Variants in ABCD2 observed in about 807,000 individuals in gnomAD.
ABCD2 encodes the protein ATP binding cassette subfamily D member 2, also known as ATP-binding cassette sub-family D member 2.
ABCD2 carries 36 observed loss-of-function variants against 70.9 expected under a neutral mutation model. The observed-to-expected ratio is 0.51, with a 90% CI of 0.39 to 0.67. The LOEUF (loss-of-function observed/expected upper bound fraction) is 0.67, where lower values mean the gene tolerates loss of function less well. ABCD2 is among the 30% of genes least tolerant of loss of function. ABCD2 has a pLI of 0.00. For synonymous variants in ABCD2, 304 were observed against 306.9 expected, an observed-to-expected ratio of 0.99 and a Z score of 0.10; for missense variants, 729 against 890.2, an observed-to-expected ratio of 0.82 and a Z score of 2.30.
At chr12:39,593,790 T>C (rs1050566708) in intron 6 of ABCD2, among the ~76,000 whole-genome samples, 3 of 152,212 alleles carry the variant, frequency 2.0e-5, no homozygotes, top group African/African-American at 7.2e-5. Context: ...GCTTGTTTTA[T>C]ATCTCAACAA....
At chr12:39,557,740 C>T (rs938446186) in intron 9 of ABCD2, among the ~76,000 whole-genome samples, 4 of 152,166 alleles carry the variant, frequency 2.6e-5, no homozygotes, top group Non-Finnish European at 4.4e-5. Flanking sequence ...CAGGCCATTC[C>T]TTCTGAGGGT....
chr12:39,575,764 G>T (rs2120602633), intron 8 of ABCD2, among the ~76,000 whole-genome samples: 1 of 152,264 alleles, frequency 6.6e-6, no homozygotes, highest in East Asian at 1.9e-4. Flanking sequence ...TTTGTCAAAA[G>T]ATTGTGCTTT....
chr12:39,595,621 TA>T (rs1417526634), intron 6 of ABCD2, among the ~76,000 whole-genome samples: 7 of 152,228 alleles, frequency 4.6e-5, no homozygotes, highest in Admixed American at 1.3e-4. Context: ...TATTTATATT[TA>T]ATCTAGGAGA....
At chr12:39,571,270 C>T (rs965043616) in intron 9 of ABCD2, among the ~76,000 whole-genome samples, 8 of 152,094 alleles carry the variant, frequency 5.3e-5, no homozygotes, top group Admixed American at 4.6e-4. Flanking sequence ...AACTGCACTC[C>T]CATGTTTATT....
intron 7 of ABCD2, among the ~76,000 whole-genome samples, chr12:39,580,810 T>A (rs1382381147): frequency 6.6e-6 from 1 of 152,152 alleles, no homozygotes; most frequent in Non-Finnish European, 1.5e-5. Context: ...CTCAGCTGAA[T>A]TTTTACCATT....
At chr12:39,587,852 G>A (rs996912932) in intron 6 of ABCD2, among the ~76,000 whole-genome samples, 3 of 152,170 alleles carry the variant, frequency 2.0e-5, no homozygotes, top group Non-Finnish European at 2.9e-5. Flanking sequence ...ACCACACAGC[G>A]AAGGGGATGG....
At chr12:39,557,164 G>A (rs1269741160) in intron 9 of ABCD2, among the ~76,000 whole-genome samples, 5 of 152,154 alleles carry the variant, frequency 3.3e-5, no homozygotes, top group Admixed American at 6.5e-5. Context: ...GTGAAGGCCA[G>A]GCTGAAGTAG....
At chr12:39,563,952 T>A (rs1383588507) in intron 9 of ABCD2, among the ~76,000 whole-genome samples, 1 of 152,318 alleles carries the variant, frequency 6.6e-6, no homozygotes, top group Middle Eastern at 3.4e-3. Flanking sequence ...ACAAAAGACA[T>A]GTACTCATCA....
At chr12:39,611,484 T>G (rs1011677955) in intron 2 of ABCD2, among the ~76,000 whole-genome samples, 1 of 152,204 alleles carries the variant, frequency 6.6e-6, no homozygotes, top group Non-Finnish European at 1.5e-5. Flanking sequence ...TATCTTTCTC[T>G]TTGTCATCTT....
intron 6 of ABCD2, among the ~76,000 whole-genome samples, chr12:39,591,766 T>A (rs1320798592): frequency 6.6e-6 from 1 of 152,144 alleles, no homozygotes; most frequent in African/African-American, 2.4e-5. Context: ...ATTGCTAAGC[T>A]GTTAAAAATG....
At chr12:39,596,470 T>C (rs1447296002) in intron 6 of ABCD2, among the ~76,000 whole-genome samples, 1 of 152,090 alleles carries the variant, frequency 6.6e-6, no homozygotes, top group Non-Finnish European at 1.5e-5. Flanking sequence ...ATACTCCAGC[T>C]ATTTCTCCCT....
In ABCD2 at chr12:39,619,059, G is replaced by T. The variant is rs148301688; in HGVS notation, c.557C>A (p.Thr186Asn). 12 of 1,614,158 alleles carry T rather than the reference G, an allele frequency of 7.4e-6. No individual in the cohort carries two copies. Among genetic ancestry groups the T allele is most frequent in the Non-Finnish European group, 8.5e-6 (10 of 1,180,012 alleles). ...RTRLVDHAYE[T>N]YFTNQTYYKV... ...ATAATAAGTCTGATTTGTAAAATAGGTTTCATAGGCGTGGTCTACTAGGCG... is the reference window on the plus strand; with the variant it reads ...ATAATAAGTCTGATTTGTAAAATAGTTTTCATAGGCGTGGTCTACTAGGCG... The change falls in exon 1 of 10, where the codon ACC (threonine) becomes AAC (asparagine). Residue 186 changes from threonine (T) to asparagine (N), a missense_variant. Coordinates refer to ENST00000308666, the MANE Select transcript of ABCD2 (RefSeq NM_005164.4).
chr12:39,550,632 T>C lies in ABCD2; in HGVS notation c.*3280A>G, dbSNP rs1233132171. ...GAAGGCGCTCATGTGGCAAAACATATTCAACCCCAAAACATATTCAACATA... is the reference window on the plus strand; with the variant it reads ...GAAGGCGCTCATGTGGCAAAACATACTCAACCCCAAAACATATTCAACATA... On this transcript the variant is annotated 3_prime_UTR_variant, in exon 10 of 10. Transcript: ENST00000308666. The C allele has an allele frequency of 2.0e-5, 3 of 151,740 alleles. No homozygotes were observed. Among genetic ancestry groups the C allele is most frequent in the African/African-American group, 7.2e-5 (3 of 41,418 alleles). The allele number at this position is 151,740 out of a possible 1,614,324, so 9.4% of individuals were successfully genotyped here.
At chr12:39,594,789 C>T (rs557875753) in intron 6 of ABCD2, among the ~76,000 whole-genome samples, 9 of 151,672 alleles carry the variant, frequency 5.9e-5, no homozygotes, top group African/African-American at 1.7e-4. Context: ...GCCTGGCCAA[C>T]GTGATGAAAC....
chr12:39,555,415 C>T (rs1941149480), intron 9 of ABCD2, among the ~76,000 whole-genome samples: 1 of 152,098 alleles, frequency 6.6e-6, no homozygotes, highest in African/African-American at 2.4e-5. Flanking sequence ...TCAAAATTAC[C>T]TACACACAAA....
At chr12:39,600,847 A>C in intron 5 of ABCD2, 131 bp from the exon 6 acceptor site, 1 of 770,648 alleles carries the variant, frequency 1.3e-6, no homozygotes, top group East Asian at 2.9e-5. Flanking sequence ...ATCAAGGAAA[A>C]ATATTTCAGG....
chr12:39,585,885 C>T (rs1941657598), intron 7 of ABCD2, among the ~76,000 whole-genome samples: 1 of 152,036 alleles, frequency 6.6e-6, no homozygotes, highest in Admixed American at 6.6e-5. Context: ...GGACTTTGTA[C>T]ATTCGAATAT....
chr12:39,561,553 C>A (rs1941259317), intron 9 of ABCD2, among the ~76,000 whole-genome samples: 1 of 151,988 alleles, frequency 6.6e-6, no homozygotes, highest in Non-Finnish European at 1.5e-5. Flanking sequence ...TCAGGAGTAG[C>A]TATACTAATG....
At chr12:39,559,871 A>C (rs1274558182) in intron 9 of ABCD2, among the ~76,000 whole-genome samples, 2 of 152,218 alleles carry the variant, frequency 1.3e-5, no homozygotes, top group African/African-American at 4.8e-5. Context: ...AGGAGTACTA[A>C]AGGGAGTTCT....
Sources: gnomAD v4.1 joint callset for allele counts (sites outside exome capture counted in the v4.1 genomes callset) on GRCh38, gnomAD v4.1.1 for gene constraint, MANE v1.5 for transcripts, NCBI Gene and HGNC (gene_info 2026-07-23, HGNC 2026-07-21) for gene names.